Variants in PDE1C observed in about 807,000 individuals in gnomAD.
PDE1C encodes the protein dual specificity calcium/calmodulin-dependent 3',5'-cyclic nucleotide phosphodiesterase 1C.
In PDE1C, 62 loss-of-function variants were observed where a neutral mutation model predicts 93.1. The ratio of observed to expected loss-of-function variants is 0.67; its 90% CI spans 0.54 to 0.82. The LOEUF (loss-of-function observed/expected upper bound fraction) is 0.82. PDE1C is among the 40% of genes least tolerant of loss of function. The pLI, the probability that PDE1C is intolerant of heterozygous loss-of-function variation, is 0.00. For synonymous variants in PDE1C, 325 were observed against 310.1 expected (o/e 1.05, Z -0.50); for missense variants, 742 against 884.6 (o/e 0.84, Z 2.04).
intron 1 of PDE1C, among the ~76,000 whole-genome samples, chr7:32,341,212 G>A (rs1783745401): frequency 9.7e-6 from 1 of 102,886 alleles, no homozygotes; most frequent in African/African-American, 4.1e-5. Flanking sequence ...GTCTCGCTCT[G>A]TCGCCCAGGC....
chr7:31,778,950 G>A (rs573141991), intron 16 of PDE1C, among the ~76,000 whole-genome samples: 1 of 152,270 alleles, frequency 6.6e-6, no homozygotes, highest in Admixed American at 6.5e-5. Context: ...CCTGACTCTT[G>A]CTGCTTCTTA....
At chr7:32,004,594 C>G (rs1257598106) in intron 2 of PDE1C, among the ~76,000 whole-genome samples, 1 of 152,156 alleles carries the variant, frequency 6.6e-6, no homozygotes, top group Admixed American at 6.5e-5. Context: ...GGCCTAGCTG[C>G]AACAGATAAG....
the PDE1C span, among the ~76,000 whole-genome samples, chr7:31,704,072 G>T: frequency 6.6e-6 from 1 of 152,172 alleles, no homozygotes; most frequent in Non-Finnish European, 1.5e-5. Context: ...CATGAAAAAG[G>T]AATAATGAGG....
At chr7:31,851,061 G>GACACAC (rs751991137) in intron 7 of PDE1C, among the ~76,000 whole-genome samples, 62 of 83,952 alleles carry the variant, frequency 7.4e-4, no homozygotes, top group African/African-American at 1.7e-3. Context: ...TTCCTAGGTA[G>GACACAC]ACACACACAC....
chr7:32,257,453 A>T (rs1408677431), intron 1 of PDE1C, among the ~76,000 whole-genome samples: 1 of 152,210 alleles, frequency 6.6e-6, no homozygotes, highest in East Asian at 1.9e-4. Context: ...ACCATGGCCA[A>T]ATTATGTGGC....
the PDE1C span, among the ~76,000 whole-genome samples, chr7:31,629,682 G>T: frequency 6.6e-6 from 1 of 152,158 alleles, no homozygotes. Flanking sequence ...CTCTCAAAAA[G>T]CATCCTCATA....
At chr7:32,298,400 A>T (rs935478226) in intron 1 of PDE1C, among the ~76,000 whole-genome samples, 2 of 151,552 alleles carry the variant, frequency 1.3e-5, no homozygotes, top group African/African-American at 2.4e-5. Flanking sequence ...CAGTTCGGGG[A>T]GGTGTGATGC....
intron 2 of PDE1C, among the ~76,000 whole-genome samples, chr7:32,014,176 A>G (rs1787556129): frequency 6.6e-6 from 1 of 152,246 alleles, no homozygotes. Context: ...ATTGGTAAAC[A>G]GGCAAGACAC....
intron 2 of PDE1C, among the ~76,000 whole-genome samples, chr7:32,034,497 T>C (rs1347747546): frequency 2.6e-5 from 4 of 152,186 alleles, no homozygotes; most frequent in African/African-American, 9.6e-5. Context: ...TCCTATTCCT[T>C]GGCACAGTTT....
Position 31,753,242 on chromosome 7 carries a change from AT to A in PDE1C, c.*141del. The A allele has an allele frequency of 9.8e-7, 1 of 1,020,532 alleles. No individual in the cohort carries two copies. Among genetic ancestry groups the A allele is most frequent in the Non-Finnish European group, 1.4e-6 (1 of 717,914 alleles). The allele number at this position is 1,020,532 out of a possible 1,614,324, so 63.2% of individuals were successfully genotyped here. A position where few individuals can be genotyped will look rare whatever the true frequency, so the allele number is the denominator to read the frequency against. ...AAGAGGAAAATCACATACAACTTTC[AT>A]TTCACCTTGGTGGAGTCAACCAGGA... is the stretch of plus-strand genomic sequence containing the variant. On this transcript the variant is annotated 3_prime_UTR_variant, in exon 18 of 18. Transcript: ENST00000396191.
exon 1 of PDE1C, chr7:32,299,300 T>C: frequency 6.1e-6 from 6 of 985,766 alleles, no homozygotes; most frequent in Non-Finnish European, 7.2e-6. Context: ...CCATGAGATG[T>C]TGCCGAAGTT....
the PDE1C span, among the ~76,000 whole-genome samples, chr7:31,649,512 T>C: frequency 1.1e-4 from 16 of 152,314 alleles, no homozygotes; most frequent in Non-Finnish European, 1.5e-4. Flanking sequence ...TGTAATTTTT[T>C]AGCTAGACAC....
chr7:32,306,372 T>A (rs530378853), intron 1 of PDE1C, among the ~76,000 whole-genome samples: 9 of 152,274 alleles, frequency 5.9e-5, no homozygotes, highest in African/African-American at 1.9e-4. Context: ...ACAACCAAAT[T>A]GGGGAGCCTG....
chr7:31,948,616 T>C (rs1485984068), intron 2 of PDE1C, among the ~76,000 whole-genome samples: 1 of 152,170 alleles, frequency 6.6e-6, no homozygotes, highest in Non-Finnish European at 1.5e-5. Context: ...CCAACTTTCT[T>C]AATTGTCCCT....
At chr7:31,624,533 A>G in the PDE1C span, among the ~76,000 whole-genome samples, 1 of 117,216 alleles carries the variant, frequency 8.5e-6, no homozygotes, top group Non-Finnish European at 1.8e-5. Flanking sequence ...GGGATTCCCT[A>G]TTTAATAAAT....
intron 17 of PDE1C, among the ~76,000 whole-genome samples, chr7:31,755,358 T>C (rs1203250919): frequency 6.6e-6 from 1 of 152,138 alleles, no homozygotes; most frequent in Non-Finnish European, 1.5e-5. Context: ...CTCTATCAGC[T>C]GAAGGGGAGG....
intron 1 of PDE1C, among the ~76,000 whole-genome samples, chr7:32,362,749 C>T (rs1784158952): frequency 6.6e-6 from 1 of 152,184 alleles, no homozygotes; most frequent in South Asian, 2.1e-4. Flanking sequence ...GCATCCTCAC[C>T]AGAAGCAGCC....
intron 3 of PDE1C, among the ~76,000 whole-genome samples, chr7:32,139,630 T>C (rs1001732310): frequency 1.3e-5 from 2 of 152,152 alleles, no homozygotes; most frequent in South Asian, 4.1e-4. Context: ...AGGAGACTGA[T>C]GCTTCCAAGC....
the PDE1C span, among the ~76,000 whole-genome samples, chr7:31,630,870 T>C: frequency 2.6e-5 from 4 of 152,012 alleles, no homozygotes; most frequent in African/African-American, 4.8e-5. Context: ...TACAACATTA[T>C]TAGATAGTGC....
Sources: allele counts gnomAD v4.1 joint callset (sites outside exome capture counted in the v4.1 genomes callset), GRCh38; gene constraint gnomAD v4.1.1; transcripts MANE v1.5; gene names NCBI Gene and HGNC (gene_info 2026-07-23, HGNC 2026-07-21).